EXT1: variants seen among roughly 807,000 people sequenced by gnomAD.
EXT1 encodes the protein exostosin-1.
EXT1 carries 20 observed loss-of-function variants against 82.5 expected under a neutral mutation model. The observed-to-expected ratio is 0.24, with a 90% CI of 0.17 to 0.35. The LOEUF is 0.35. EXT1 is among the 10% of genes least tolerant of loss of function. EXT1 has a pLI of 1.00. For missense variants in EXT1, 757 were observed against 936.5 expected, an observed-to-expected ratio of 0.81 and a Z score of 2.50; for synonymous variants, 348 against 350.8, an observed-to-expected ratio of 0.99 and a Z score of 0.09.
In EXT1 at chr8:118,032,566, A is replaced by G. The variant is rs573766057; in HGVS notation, c.962+77519T>C. Among the ~76,000 whole-genome samples, 20 of 149,288 alleles carry G rather than the reference A, an allele frequency of 1.3e-4. No homozygotes were observed. The South Asian group carries it at 4.0e-3, about 30-fold the overall frequency. ...GCTCTCGTTGCCCAGGCTGGAGTGC[A>G]ATGGCAGGATCTCGGCTGACTGCAT... On this transcript the variant is annotated intron_variant, in intron 1 of 10. Transcript: ENST00000378204.
chr8:118,050,185 TTCAC>T (rs1816694724), intron 1 of EXT1, among the ~76,000 whole-genome samples: 1 of 152,226 alleles, frequency 6.6e-6, no homozygotes, highest in Non-Finnish European at 1.5e-5. Flanking sequence ...AAGGGTATTT[TTCAC>T]TCCAGTTCTG....
intron 8 of EXT1, among the ~76,000 whole-genome samples, chr8:117,809,222 T>A (rs1237706139): frequency 7.8e-6 from 1 of 128,860 alleles, no homozygotes; most frequent in Non-Finnish European, 1.7e-5. Flanking sequence ...TGTATAAATA[T>A]ATATATATAT....
At chr8:117,904,860 G>GA (rs909728144) in intron 1 of EXT1, among the ~76,000 whole-genome samples, 114 of 149,170 alleles carry the variant, frequency 7.6e-4, no homozygotes, top group Middle Eastern at 6.8e-3. Flanking sequence ...AAAGTGTGAA[G>GA]AAAAAAAAAA....
At chr8:118,046,693 C>A (rs1288540339) in intron 1 of EXT1, among the ~76,000 whole-genome samples, 2 of 152,186 alleles carry the variant, frequency 1.3e-5, no homozygotes, top group Non-Finnish European at 2.9e-5. Context: ...ATTGAAAACT[C>A]CTGGAGGGTA....
chr8:117,984,462 C>CAAAGA (rs899108992), intron 1 of EXT1, among the ~76,000 whole-genome samples: 13 of 138,266 alleles, frequency 9.4e-5, no homozygotes, highest in South Asian at 2.4e-4. Context: ...AAAAAAAAAA[C>CAAAGA]AAAGAAAAGA....
At chr8:118,001,704 C>T (rs1815669872) in intron 1 of EXT1, among the ~76,000 whole-genome samples, 1 of 152,102 alleles carries the variant, frequency 6.6e-6, no homozygotes, top group African/African-American at 2.4e-5. Flanking sequence ...CGTTATTTTT[C>T]AACCCAGTCT....
chr8:117,897,177 T>A (rs1158206459), intron 1 of EXT1, among the ~76,000 whole-genome samples: 4 of 152,226 alleles, frequency 2.6e-5, no homozygotes, highest in Non-Finnish European at 5.9e-5. Flanking sequence ...CTGTCCATAC[T>A]AGCTGCATGT....
At chr8:117,801,993 A>G (rs1266924295) in intron 10 of EXT1, among the ~76,000 whole-genome samples, 1 of 152,220 alleles carries the variant, frequency 6.6e-6, no homozygotes, top group African/African-American at 2.4e-5. Flanking sequence ...TTCTGAGTCA[A>G]CCAACATCTA....
chr8:118,027,324 C>G (rs1190818973), intron 1 of EXT1, among the ~76,000 whole-genome samples: 1 of 78,162 alleles, frequency 1.3e-5, no homozygotes. Flanking sequence ...CACACACACA[C>G]ACACACACAC....
intron 1 of EXT1, among the ~76,000 whole-genome samples, chr8:117,909,819 G>A (rs1357851191): frequency 6.6e-6 from 1 of 152,130 alleles, no homozygotes; most frequent in Non-Finnish European, 1.5e-5. Flanking sequence ...CCAGATGGGA[G>A]TACAATGGTG....
rs535542817 is a variant in EXT1, at chr8:118,105,776, T to G, written c.962+4309A>C. Among the ~76,000 whole-genome samples the G allele has an allele frequency of 5.0e-4, 76 of 152,338 alleles. 2 individuals carry two copies. The South Asian group carries it at 9.5e-3, about 19-fold the overall frequency. On this transcript the variant is annotated intron_variant, in intron 1 of 10. Transcript: ENST00000378204. ...GAATCTCAATTCCCACCTTTCATTT[T>G]GGAGAAGGAAAACATTCATCTAAGG...
At chr8:118,057,670 T>TA (rs1816815776) in intron 1 of EXT1, among the ~76,000 whole-genome samples, 8 of 121,442 alleles carry the variant, frequency 6.6e-5, no homozygotes, top group African/African-American at 1.9e-4. Context: ...TCTGGTCTCT[T>TA]TAAAAAAAAA....
intron 1 of EXT1, among the ~76,000 whole-genome samples, chr8:117,839,678 C>T (rs1812243595): frequency 1.3e-5 from 2 of 152,332 alleles, no homozygotes; most frequent in South Asian, 4.1e-4. Context: ...AAGAATGATG[C>T]CCCACAAGTG....
intron 1 of EXT1, among the ~76,000 whole-genome samples, chr8:118,063,442 G>C (rs1816917992): frequency 6.6e-6 from 1 of 152,184 alleles, no homozygotes; most frequent in African/African-American, 2.4e-5. Context: ...ATTTTCCTAA[G>C]CTTTGCTGAA....
In EXT1 at chr8:117,796,470, C is replaced by CGAA. The variant is rs1823090781; in HGVS notation, c.*3241_*3242insTTC. The CGAA allele has an allele frequency of 6.6e-6, 1 of 151,964 alleles. No homozygotes were observed. The allele number at this position is 151,964 out of a possible 1,614,324, so 9.4% of individuals were successfully genotyped here. Reference sequence around the variant, plus strand: ...TATGAAAGGCCACCAGCATAATACTCTTTCAAGTCACCAGGTATTTGAGAA... The same window carrying CGAA: ...TATGAAAGGCCACCAGCATAATACTCGAATTTCAAGTCACCAGGTATTTGAGAA... On this transcript the variant is annotated 3_prime_UTR_variant, in exon 11 of 11. Coordinates refer to ENST00000378204, the MANE Select transcript of EXT1 (RefSeq NM_000127.3).
intron 1 of EXT1, among the ~76,000 whole-genome samples, chr8:118,072,831 G>A (rs555236788): frequency 2.0e-5 from 3 of 152,170 alleles, no homozygotes; most frequent in Non-Finnish European, 4.4e-5. Context: ...TAAAGAAATC[G>A]AGAGAAAAAC....
At chr8:118,054,183 A>G (rs574272001) in intron 1 of EXT1, among the ~76,000 whole-genome samples, 1 of 152,226 alleles carries the variant, frequency 6.6e-6, no homozygotes, top group South Asian at 2.1e-4. Flanking sequence ...TGCTCTTCTC[A>G]TTTCTACCAT....
intron 1 of EXT1, among the ~76,000 whole-genome samples, chr8:117,984,449 C>CAAAAAAAAAAAAAAAAA (rs368857333): frequency 7.6e-6 from 1 of 130,968 alleles, no homozygotes; most frequent in Non-Finnish European, 1.7e-5. Context: ...CAAAACAAAA[C>CAAAAAAAAAAAAAAAAA]AAAAAAAAAA....
chr8:118,027,805 A>G (rs1457690123), intron 1 of EXT1, among the ~76,000 whole-genome samples: 1 of 152,216 alleles, frequency 6.6e-6, no homozygotes, highest in Non-Finnish European at 1.5e-5. Flanking sequence ...ACAACTGGCA[A>G]AATGGCAAAG....
Sources: allele counts gnomAD v4.1 joint callset (sites outside exome capture counted in the v4.1 genomes callset), GRCh38; gene constraint gnomAD v4.1.1; transcripts MANE v1.5; gene names NCBI Gene and HGNC (gene_info 2026-07-23, HGNC 2026-07-21).